The following SLC25A46 variants were observed in gnomAD, a reference collection of about 807,000 sequenced individuals.
SLC25A46 encodes solute carrier family 25 member 46.
SLC25A46 carries 39 observed loss-of-function variants against 44.6 expected under a neutral mutation model. The observed-to-expected ratio is 0.87, with a 90% CI of 0.68 to 1.14. The LOEUF (loss-of-function observed/expected upper bound fraction) is 1.14, where lower values mean the gene tolerates loss of function less well. Among genes scored for constraint, SLC25A46 ranks in the 50% most tolerant of loss-of-function variants. SLC25A46 has a pLI of 0.00. For synonymous variants in SLC25A46, 202 were observed against 185.8 expected, an observed-to-expected ratio of 1.09 and a Z score of -0.71; for missense variants, 547 against 522.7, an observed-to-expected ratio of 1.05 and a Z score of -0.45.
chr5:110,755,175 TA>T, intron 5 of SLC25A46: 1 of 215,460 alleles, frequency 4.6e-6, no homozygotes. Context: ...CCAATCATCT[TA>T]ATTTTCTTCC....
rs542221845 is a variant in SLC25A46 at position 110,739,049 on chromosome 5, T to A, written c.-71T>A. On this transcript the variant is annotated 5_prime_UTR_variant, in exon 1 of 8. Coordinates refer to ENST00000355943, the MANE Select transcript of SLC25A46 (RefSeq NM_138773.4). ...CGGCGGCGGCCGACGGGAAGCTGTG[T>A]GTGCTTAGGTCGTGGTGGCCCCGGT... The A allele has an allele frequency of 2.7e-6, 4 of 1,498,280 alleles. No homozygotes were observed. The Admixed American group carries it at 1.0e-4, about 38-fold the overall frequency. 92.8% of individuals were successfully genotyped at this position (1,498,280 alleles called of 1,614,324 possible). A position where few individuals can be genotyped will look rare whatever the true frequency, so the allele number is the denominator to read the frequency against.
Position 110,739,163 on chromosome 5 carries a change from G to C in SLC25A46, c.44G>C (p.Arg15Pro), listed in dbSNP as rs372382932. ...GACGGATTTGATGGCTTGGGCTACCGGGGTGGTGCCCGGGACGAGCAGGGC... is the reference window on the plus strand; with the variant it reads ...GACGGATTTGATGGCTTGGGCTACCCGGGTGGTGCCCGGGACGAGCAGGGC... ...RPDGFDGLGY[R>P]GGARDEQGFG... Residue 15 changes from arginine (R) to proline (P), a missense_variant, in exon 1 of 8, where the codon CGG (arginine) becomes CCG (proline). Coordinates refer to ENST00000355943, the MANE Select transcript of SLC25A46 (RefSeq NM_138773.4). 1.9e-6 allele frequency: 3 copies of C among 1,550,010 alleles called. No homozygotes were observed. Among genetic ancestry groups the C allele is most frequent in the East Asian group, 2.4e-5 (1 of 40,974 alleles).
intron 4 of SLC25A46, 44 bp downstream of exon 4, chr5:110,746,390 C>T (rs1799821163): frequency 7.5e-7 from 1 of 1,336,182 alleles, no homozygotes; most frequent in East Asian, 2.6e-5. Context: ...ATATAAGTGT[C>T]ATTTGGGTTT....
At chr5:110,744,680 GTTAT>G (rs1224239922) in intron 3 of SLC25A46, among the ~76,000 whole-genome samples, 1 of 152,106 alleles carries the variant, frequency 6.6e-6, no homozygotes, top group African/African-American at 2.4e-5. Context: ...AGTAAATACT[GTTAT>G]TTATTTTTGT....
At position 110,746,305 on chromosome 5, in the gene SLC25A46, T is replaced by C; in HGVS notation, c.421T>C (p.Phe141Leu). Residue 141 changes from phenylalanine to leucine, a missense_variant, in exon 4 of 8, where the codon TTT becomes CTT. Transcript: ENST00000355943. The stretch of plus-strand genomic sequence containing the variant: ...TGCTCAGCATTACCATCTCACTCCA[T>C]TTACAGTCATCAATATTATGTACAG... ...YHAQHYHLTPFTVINIMYSFN... is the reference protein window; with the variant it reads ...YHAQHYHLTPLTVINIMYSFN... The C allele has an allele frequency of 1.3e-6, 2 of 1,591,558 alleles. No individual in the cohort carries two copies. Among genetic ancestry groups the C allele is most frequent in the Non-Finnish European group, 1.7e-6 (2 of 1,172,612 alleles).
rs771530454 is a variant in SLC25A46 at position 110,761,179 on chromosome 5, A to C, written c.679-25A>C. On this transcript the variant is annotated intron_variant, in intron 7 of 7. Transcript: ENST00000355943. This position sits in a 1 kb window ranked among gnomAD's most constrained non-coding sequence, Gnocchi z 5.3. ...GCAAAATAAGCAAATGTTAAGTTTT[A>C]CTTATTTCATCATTTTTATTTCAGA... 1.0e-5 allele frequency: 16 copies of C among 1,534,724 alleles called. No individual in the cohort carries two copies. In the Middle Eastern group the frequency reaches 1.0e-3, roughly 101 times the overall value.
At chr5:110,750,803 A>T (rs948130986) in intron 5 of SLC25A46, among the ~76,000 whole-genome samples, 1 of 152,114 alleles carries the variant, frequency 6.6e-6, no homozygotes, top group African/African-American at 2.4e-5. Flanking sequence ...CAACCAGAAC[A>T]CTATTGGTTC....
rs1376931951 is a variant in SLC25A46 at position 110,764,886 on chromosome 5, GTTTCTC to G, written c.*3109_*3114del. The G allele has an allele frequency of 6.6e-6, 1 of 151,856 alleles. No individual in the cohort carries two copies. Among genetic ancestry groups the G allele is most frequent in the Non-Finnish European group, 1.5e-5 (1 of 67,894 alleles). The allele number at this position is 151,856 out of a possible 1,614,324, so 9.4% of individuals were successfully genotyped here. ...GAATGATACTGTTGTTGGCATTTCTGTTTCTCTTTCAAGTAGTTGTAAATAATCTCT... is the reference window on the plus strand; with the variant it reads ...GAATGATACTGTTGTTGGCATTTCTGTTTCAAGTAGTTGTAAATAATCTCT... On this transcript the variant is annotated 3_prime_UTR_variant, in exon 8 of 8. Coordinates refer to ENST00000355943, the MANE Select transcript of SLC25A46 (RefSeq NM_138773.4).
upstream of SLC25A46, chr5:110,738,990 C>A (rs562528566): frequency 5.5e-6 from 8 of 1,460,290 alleles, no homozygotes; most frequent in Admixed American, 5.5e-5. Flanking sequence ...GGGTTTCCAA[C>A]GTGACTTCCG....
intron 7 of SLC25A46, among the ~76,000 whole-genome samples, chr5:110,758,991 T>G (rs1396553607): frequency 6.6e-6 from 1 of 152,160 alleles, no homozygotes; most frequent in Non-Finnish European, 1.5e-5. Flanking sequence ...TCACTTTACC[T>G]TTCAGATTTG....
intron 1 of SLC25A46, chr5:110,741,843 C>T: frequency 2.0e-6 from 1 of 496,012 alleles, no homozygotes; most frequent in South Asian, 3.0e-5. Flanking sequence ...CACTCTACAC[C>T]TTGCAATTTG....
At position 110,761,936 on chromosome 5, in the gene SLC25A46, T is replaced by TG. The variant is rs2150419631; in HGVS notation, c.*154_*155insG. 1 of 637,352 alleles carries TG rather than the reference T, an allele frequency of 1.6e-6. No individual in the cohort carries two copies. 39.5% of individuals were successfully genotyped at this position (637,352 alleles called of 1,614,324 possible). A position where few individuals can be genotyped will look rare whatever the true frequency, so the allele number is the denominator to read the frequency against. ...TACTGATTATCTTGACTTTGTTTTT[T>TG]AAGGCATAGGTATATATTTTGGATC... On this transcript the variant is annotated 3_prime_UTR_variant, in exon 8 of 8. Transcript: ENST00000355943. This position sits in a 1 kb window ranked among gnomAD's most constrained non-coding sequence, Gnocchi z 5.3.
At position 110,746,259 on chromosome 5, in the gene SLC25A46, T is replaced by A. The variant is rs1799815367; in HGVS notation, c.385-10T>A. 1 of 1,553,214 alleles carries A rather than the reference T, an allele frequency of 6.4e-7. No homozygotes were observed. ...TAACAGAAAAAAATAATGAAATATC[T>A]TTTTTACAGGTTAATTACCATGCTC... On this transcript the variant is annotated splice_polypyrimidine_tract_variant and intron_variant, in intron 3 of 7. Coordinates refer to ENST00000355943, the MANE Select transcript of SLC25A46 (RefSeq NM_138773.4).
At chr5:110,741,140 A>C (rs1799678853) in intron 1 of SLC25A46, among the ~76,000 whole-genome samples, 1 of 152,184 alleles carries the variant, frequency 6.6e-6, no homozygotes, top group African/African-American at 2.4e-5. Flanking sequence ...AGAGGAGAGA[A>C]AGAATTGTAA....
intron 7 of SLC25A46, among the ~76,000 whole-genome samples, chr5:110,759,735 G>A (rs576714992): frequency 3.3e-5 from 5 of 152,210 alleles, no homozygotes; most frequent in East Asian, 1.9e-4. Context: ...TGAGCAGAGC[G>A]GTGGTGTGAT....
At chr5:110,759,934 C>T (rs886393703) in intron 7 of SLC25A46, among the ~76,000 whole-genome samples, 12 of 152,058 alleles carry the variant, frequency 7.9e-5, no homozygotes, top group African/African-American at 1.7e-4. Context: ...CCTCCACTCA[C>T]GATGGGATTA....
rs557082470 is a variant in SLC25A46, at chr5:110,764,052, T to A, written c.*2270T>A. 5 of 151,950 alleles carry A rather than the reference T, an allele frequency of 3.3e-5. No homozygotes were observed. The highest frequency in any genetic ancestry group is 1.2e-4 in the African/African-American group (5 of 41,538). 9.4% of individuals were successfully genotyped at this position (151,950 alleles called of 1,614,324 possible). A position where few individuals can be genotyped will look rare whatever the true frequency, so the allele number is the denominator to read the frequency against. ...TGCCAAATCAAATATCCATGGGCTA[T>A]ACTTCTTAAGATAATAACAGCTCAA... On this transcript the variant is annotated 3_prime_UTR_variant, in exon 8 of 8. Transcript: ENST00000355943.
chr5:110,762,815 A>G lies in SLC25A46; in HGVS notation c.*1033A>G, dbSNP rs367843385. ...GCCTCTTGTCTAGTATATAGTCACC[A>G]CTAAATAATGGCTTCCGTTTTTATT... On this transcript the variant is annotated 3_prime_UTR_variant, in exon 8 of 8. Transcript: ENST00000355943. 2.0e-5 allele frequency: 3 copies of G among 152,050 alleles called. No homozygotes were observed. Among genetic ancestry groups the G allele is most frequent in the African/African-American group, 7.2e-5 (3 of 41,548 alleles). 9.4% of individuals were successfully genotyped at this position (152,050 alleles called of 1,614,324 possible). A position where few individuals can be genotyped will look rare whatever the true frequency, so the allele number is the denominator to read the frequency against.
intron 1 of SLC25A46, among the ~76,000 whole-genome samples, chr5:110,741,438 AG>A (rs1328816488): frequency 6.6e-6 from 1 of 152,204 alleles, no homozygotes; most frequent in Non-Finnish European, 1.5e-5. Flanking sequence ...GTTATCCCTA[AG>A]TACCCTTTCA....
Sources: allele counts gnomAD v4.1 joint callset (sites outside exome capture counted in the v4.1 genomes callset), GRCh38; gene constraint gnomAD v4.1.1; non-coding constraint Gnocchi (gnomAD v3.1); transcripts MANE v1.5; gene names NCBI Gene and HGNC (gene_info 2026-07-23, HGNC 2026-07-21).